The following HAL variants were observed in gnomAD, a reference collection of about 807,000 sequenced individuals.
HAL encodes the protein histidine ammonia-lyase.
HAL carries 85 observed loss-of-function variants against 81.1 expected under a neutral mutation model. The ratio of observed to expected loss-of-function variants is 1.05; its 90% CI spans 0.88 to 1.25. The LOEUF (loss-of-function observed/expected upper bound fraction) is 1.25. Among genes scored for constraint, HAL ranks in the 50% most tolerant of loss-of-function variants. HAL has a pLI of 0.00. For missense variants in HAL, 798 were observed against 836.6 expected (o/e 0.95, Z 0.57); for synonymous variants, 301 against 309.2 (o/e 0.97, Z 0.28).
chr12:95,995,380 C>T (rs1387333792), intron 2 of HAL, among the ~76,000 whole-genome samples: 6 of 152,198 alleles, frequency 3.9e-5, no homozygotes, highest in African/African-American at 1.4e-4. Flanking sequence ...AGACCTGCAG[C>T]CTTGAGTACC....
At chr12:95,986,006 A>C (rs767764900) in intron 13 of HAL, 40 bp from the exon 14 acceptor site, 3 of 1,590,140 alleles carry the variant, frequency 1.9e-6, no homozygotes, top group Non-Finnish European at 2.6e-6. Flanking sequence ...GGATCATGTT[A>C]CCAATTCTTT....
chr12:95,984,901 G>A (rs1170405102), intron 14 of HAL, among the ~76,000 whole-genome samples: 3 of 152,008 alleles, frequency 2.0e-5, no homozygotes, highest in Non-Finnish European at 4.4e-5. Flanking sequence ...GGGAAATGAG[G>A]GTATTTATTC....
intron 11 of HAL, 106 bp from the exon 12 acceptor site, chr12:95,987,320 T>TAA (rs1437055839): frequency 3.3e-6 from 3 of 913,228 alleles, no homozygotes; most frequent in Non-Finnish European, 5.5e-6. Context: ...TAGCCAGTCA[T>TAA]AAACATAAAA....
Position 95,974,333 on chromosome 12 carries a change from T to A in HAL, c.1873A>T (p.Met625Leu). Residue 625 changes from methionine to leucine, a missense_variant, in exon 21 of 21, where the codon ATG becomes TTG. Transcript: ENST00000261208. ...VAAPYIEKYRMEHIPESRPLS... is the reference protein window; with the variant it reads ...VAAPYIEKYRLEHIPESRPLS... ...GGTCTTGATTCTGGAATATGCTCCA[T>A]TCTGTATTTTTCAATGTATGGAGCA... The A allele has an allele frequency of 6.2e-7, 1 of 1,612,926 alleles. No individual in the cohort carries two copies. Among genetic ancestry groups the A allele is most frequent in the Non-Finnish European group, 8.5e-7 (1 of 1,178,880 alleles).
rs2136798298 is a variant in HAL at position 95,980,787 on chromosome 12, A to G, written c.1353+11T>C. 1 of 1,596,904 alleles carries G rather than the reference A, an allele frequency of 6.3e-7. No individual in the cohort carries two copies. The highest frequency in any genetic ancestry group is 8.6e-7 in the Non-Finnish European group (1 of 1,164,516). ...TGCCTTCTGGGTCAGGAGCAGTTTT[A>G]AAAAGCTTACTTTGGCTGGGTATTC... On this transcript the variant is annotated intron_variant, in intron 16 of 20. Coordinates refer to ENST00000261208, the MANE Select transcript of HAL (RefSeq NM_002108.4).
intron 14 of HAL, among the ~76,000 whole-genome samples, chr12:95,984,448 G>A (rs574311162): frequency 6.6e-6 from 1 of 152,324 alleles, no homozygotes; most frequent in South Asian, 2.1e-4. Flanking sequence ...TCAAATGGTA[G>A]CTATTATCCA....
intron 20 of HAL, among the ~76,000 whole-genome samples, chr12:95,975,746 T>A (rs570732180): frequency 4.6e-5 from 7 of 152,238 alleles, no homozygotes; most frequent in Admixed American, 3.3e-4. Flanking sequence ...AAATAATGGG[T>A]GTGAAAATCA....
intron 14 of HAL, among the ~76,000 whole-genome samples, chr12:95,984,614 T>G (rs1331805304): frequency 1.3e-5 from 2 of 152,242 alleles, no homozygotes; most frequent in Non-Finnish European, 2.9e-5. Context: ...TATCTGTCTG[T>G]GTGATCGTGG....
chr12:95,993,684 G>A, intron 7 of HAL, 88 bp downstream of exon 7: 1 of 906,224 alleles, frequency 1.1e-6, no homozygotes, highest in Non-Finnish European at 1.8e-6. Context: ...TCTGTAAATT[G>A]GGGCAAATGT....
rs1161539284 is a variant in HAL at position 95,994,674 on chromosome 12, G to C, written c.336+124C>G. On this transcript the variant is annotated intron_variant, in intron 4 of 20. Transcript: ENST00000261208. ...CAAAGTGCTGGGACTACAGACATGAGTCACTGCTCCCGGCCAGCCCTGTTC... is the reference window on the plus strand; with the variant it reads ...CAAAGTGCTGGGACTACAGACATGACTCACTGCTCCCGGCCAGCCCTGTTC... 4 of 982,548 alleles carry C rather than the reference G, an allele frequency of 4.1e-6. No homozygotes were observed. The African/African-American group carries it at 6.4e-5, about 16-fold the overall frequency. The allele number at this position is 982,548 out of a possible 1,614,324, so 60.9% of individuals were successfully genotyped here.
Position 95,992,810 on chromosome 12 carries a change from A to G in HAL, c.590-5T>C. 6.2e-7 allele frequency: 1 copy of G among 1,612,648 alleles called. No individual in the cohort carries two copies. Among genetic ancestry groups the G allele is most frequent in the East Asian group, 2.2e-5 (1 of 44,868 alleles). On this transcript the variant is annotated splice_polypyrimidine_tract_variant and splice_region_variant and intron_variant, in intron 8 of 20. Coordinates refer to ENST00000261208, the MANE Select transcript of HAL (RefSeq NM_002108.4). Reference sequence around the variant, plus strand: ...GACTTAGTGGTTTCCCAACACCTGCAAAACAGAATTGATGTTTTCTCCAAG... The same window carrying G: ...GACTTAGTGGTTTCCCAACACCTGCGAAACAGAATTGATGTTTTCTCCAAG...
intron 18 of HAL, 91 bp downstream of exon 18, chr12:95,977,853 T>A (rs1482026635): frequency 7.4e-7 from 1 of 1,350,940 alleles, no homozygotes; most frequent in African/African-American, 1.4e-5. Context: ...TTCCAGGTGA[T>A]GCTGATGTTG....
intron 11 of HAL, among the ~76,000 whole-genome samples, chr12:95,987,602 C>A (rs142550959): frequency 9.7e-4 from 148 of 152,296 alleles, no homozygotes; most frequent in African/African-American, 3.4e-3. Flanking sequence ...TAGCTTAGAG[C>A]ATTCTAAGGA....
At chr12:95,981,699 A>G (rs939928013) in intron 15 of HAL, among the ~76,000 whole-genome samples, 2 of 152,188 alleles carry the variant, frequency 1.3e-5, no homozygotes, top group Non-Finnish European at 2.9e-5. Context: ...GCCTCAAGTG[A>G]TCAGCCCACC....
chr12:95,984,633 C>A (rs1227654958), intron 14 of HAL, among the ~76,000 whole-genome samples: 3 of 152,200 alleles, frequency 2.0e-5, no homozygotes, highest in Non-Finnish European at 4.4e-5. Flanking sequence ...GGGCAAGATA[C>A]TTAATTCTGT....
intron 8 of HAL, among the ~76,000 whole-genome samples, 157 bp from the exon 9 acceptor site, chr12:95,992,962 G>T (rs1949990722): frequency 6.7e-6 from 1 of 148,976 alleles, no homozygotes; most frequent in Admixed American, 6.7e-5. Flanking sequence ...CCTCCTGCCT[G>T]TCTGACTTGT....
At chr12:95,981,917 A>G (rs186377768) in intron 15 of HAL, among the ~76,000 whole-genome samples, 35 of 152,342 alleles carry the variant, frequency 2.3e-4, no homozygotes, top group African/African-American at 7.5e-4. Flanking sequence ...TGTGTGCAAG[A>G]AAGTTTCTAA....
intron 7 of HAL, 137 bp downstream of exon 7, chr12:95,993,635 C>T: frequency 1.2e-6 from 1 of 827,712 alleles, no homozygotes; most frequent in Non-Finnish European, 2.1e-6. Context: ...GTTTTCAATA[C>T]CAACTCACAT....
In HAL at chr12:95,996,117, A is replaced by G; in HGVS notation, c.-121T>C. Reference sequence around the variant, plus strand: ...GTTTTTGTAGCCGAGCAGGGGCAGGAGCAGGGGATGCAGACGGGTGAGCCT... The same window carrying G: ...GTTTTTGTAGCCGAGCAGGGGCAGGGGCAGGGGATGCAGACGGGTGAGCCT... On this transcript the variant is annotated 5_prime_UTR_variant, in exon 1 of 21. Transcript: ENST00000261208. 1 of 600,426 alleles carries G rather than the reference A, an allele frequency of 1.7e-6. No individual in the cohort carries two copies. Among genetic ancestry groups the G allele is most frequent in the Non-Finnish European group, 3.0e-6 (1 of 330,138 alleles). 37.2% of individuals were successfully genotyped at this position (600,426 alleles called of 1,614,324 possible).
Sources: allele counts gnomAD v4.1 joint callset (sites outside exome capture counted in the v4.1 genomes callset), GRCh38; gene constraint gnomAD v4.1.1; transcripts MANE v1.5; gene names NCBI Gene and HGNC (gene_info 2026-07-23, HGNC 2026-07-21).